The following TIAM2 variants were observed in gnomAD, a reference collection of about 807,000 sequenced individuals.
TIAM2 encodes the protein rho guanine nucleotide exchange factor TIAM2.
TIAM2 carries 80 observed loss-of-function variants against 152.9 expected under a neutral mutation model. The observed-to-expected ratio is 0.52, with a 90% CI of 0.44 to 0.63. The LOEUF (loss-of-function observed/expected upper bound fraction) is 0.63, where lower values mean the gene tolerates loss of function less well. Ranked by LOEUF, TIAM2 falls within the 30% of genes least tolerant of loss-of-function variation. TIAM2 has a pLI of 0.00. For synonymous variants in TIAM2, 804 were observed against 838.0 expected (o/e 0.96, Z 0.70); for missense variants, 1,965 against 2,120.1 (o/e 0.93, Z 1.44).
chr6:155,228,095 T>C (rs754511943), intron 15 of TIAM2, among the ~76,000 whole-genome samples: 9 of 152,114 alleles, frequency 5.9e-5, no homozygotes, highest in Non-Finnish European at 1.2e-4. Flanking sequence ...AGGAAGGGCT[T>C]AGTGAAGGGA....
intron 1 of TIAM2, among the ~76,000 whole-genome samples, chr6:155,056,042 A>G (rs1401102987): frequency 4.6e-5 from 7 of 152,104 alleles, no homozygotes; most frequent in African/African-American, 1.7e-4. Flanking sequence ...ATGTTCTTCC[A>G]GGGTGTTTCT....
At chr6:155,015,344 G>A (rs1436697987) in intron 1 of TIAM2, among the ~76,000 whole-genome samples, 2 of 152,108 alleles carry the variant, frequency 1.3e-5, no homozygotes, top group African/African-American at 2.4e-5. Context: ...GTGTCAGCAG[G>A]CTCTATGGGA....
rs1784103310 is a variant in TIAM2 at position 155,257,119 on chromosome 6, T to C, written c.5104T>C (p.Ter1702GlnextTer19). The change falls in exon 27 of 27, where the codon TAG (stop) becomes CAG (glutamine). Residue 1702 changes from the stop codon to glutamine (Q), a stop_lost. Transcript: ENST00000682666. Reference protein sequence around the residue: ...FYETESHGKS* With the variant: ...FYETESHGKSQ ...TGAAACAGAGAGCCACGGAAAATCA[T>C]AGTATGATTCAATCCAGATATGGGT... is the stretch of plus-strand genomic sequence containing the variant. 3 of 1,610,526 alleles carry C rather than the reference T, an allele frequency of 1.9e-6. No homozygotes were observed. The highest frequency in any genetic ancestry group is 1.7e-6 in the Non-Finnish European group (2 of 1,179,746).
In TIAM2 at chr6:155,244,114, C is replaced by T. The variant is rs374528175; in HGVS notation, c.3417+35C>T. On this transcript the variant is annotated intron_variant, in intron 17 of 26. Coordinates refer to ENST00000682666, the MANE Select transcript of TIAM2 (RefSeq NM_012454.4). ...ATCACCTTCCTTCTGTCCAGTGATC[C>T]ACAGGTTAGTCTCTGTTTGCCTTTT... is the stretch of plus-strand genomic sequence containing the variant. The T allele has an allele frequency of 6.4e-4, 1,006 of 1,584,070 alleles. 10 individuals are homozygous for T. In the South Asian group the frequency reaches 0.01, roughly 16 times the overall value.
intron 15 of TIAM2, among the ~76,000 whole-genome samples, chr6:155,234,539 A>C (rs1285161093): frequency 6.6e-6 from 1 of 152,198 alleles, no homozygotes; most frequent in Non-Finnish European, 1.5e-5. Context: ...AGTAGCTGGG[A>C]CCATAGGCGT....
chr6:155,221,224 G>A (rs17812626), intron 15 of TIAM2, among the ~76,000 whole-genome samples: 1,791 of 151,772 alleles, frequency 0.012, 17 homozygotes, highest in Non-Finnish European at 0.018. Context: ...AGAGAGCAGC[G>A]CTGTGAGAGC....
intron 1 of TIAM2, among the ~76,000 whole-genome samples, chr6:155,053,026 C>T (rs1777354240): frequency 6.6e-6 from 1 of 152,076 alleles, no homozygotes; most frequent in African/African-American, 2.4e-5. Context: ...TTTCTTAAAG[C>T]AACGTGCAGG....
chr6:155,179,119 A>G lies in TIAM2; in HGVS notation c.2604A>G (p.Ala868=). The change falls in exon 11 of 27, where the codon GCA becomes GCG. Residue 868 remains alanine, a synonymous_variant. Coordinates refer to ENST00000682666, the MANE Select transcript of TIAM2 (RefSeq NM_012454.4). ...VDDNVEYCIP[A]PYEYMQQQVY... ...ACAATGTTGAGTATTGCATCCCTGC[A>G]CCATATGAATATATGCAACAACAGG... The G allele has an allele frequency of 6.2e-7, 1 of 1,614,028 alleles. No homozygotes were observed. Among genetic ancestry groups the G allele is most frequent in the South Asian group, 1.1e-5 (1 of 91,014 alleles).
At chr6:155,235,030 C>G (rs9767124) in intron 15 of TIAM2, among the ~76,000 whole-genome samples, 100,017 of 151,786 alleles carry the variant, frequency 0.66, 34,131 homozygotes, top group African/African-American at 0.73. Context: ...AGACAGAGCA[C>G]AGCTAGAGAG....
intron 1 of TIAM2, among the ~76,000 whole-genome samples, chr6:155,044,827 C>CA (rs1562299129): frequency 1.5e-5 from 2 of 134,658 alleles, no homozygotes; most frequent in African/African-American, 6.2e-5. Context: ...GACTCTGTCT[C>CA]GAAAAAAAAA....
chr6:155,122,961 C>G (rs772647706), intron 2 of TIAM2, among the ~76,000 whole-genome samples: 2 of 150,962 alleles, frequency 1.3e-5, no homozygotes, highest in Admixed American at 1.3e-4. Flanking sequence ...TCATAAAATT[C>G]CTTTAGTAAA....
At chr6:155,093,279 A>G (rs116968463) in intron 2 of TIAM2, among the ~76,000 whole-genome samples, 1,613 of 152,304 alleles carry the variant, frequency 0.011, 12 homozygotes, top group Non-Finnish European at 0.014. Flanking sequence ...CATGGTGCCT[A>G]CCTCACAGTG....
At position 155,147,634 on chromosome 6, in the gene TIAM2, C is replaced by T. The variant is rs532298016; in HGVS notation, c.1804-476C>T. Among the ~76,000 whole-genome samples, 24 of 152,208 alleles carry T rather than the reference C, an allele frequency of 1.6e-4. 1 individual carries two copies. The South Asian group carries it at 2.5e-3, about 16-fold the overall frequency. ...CCAAGTAGCTGGGCTTACAGGCATGCGCCACCACGCCCGGCTAATTTTTGT... is the reference window on the plus strand; with the variant it reads ...CCAAGTAGCTGGGCTTACAGGCATGTGCCACCACGCCCGGCTAATTTTTGT... On this transcript the variant is annotated intron_variant, in intron 6 of 26. Transcript: ENST00000682666.
intron 4 of TIAM2, among the ~76,000 whole-genome samples, chr6:155,134,127 A>G (rs1203581470): frequency 1.3e-5 from 2 of 149,094 alleles, no homozygotes; most frequent in African/African-American, 2.5e-5. Flanking sequence ...AGTCACTTGT[A>G]TGGAAATGGA....
chr6:155,006,676 C>A (rs1426253792), intron 1 of TIAM2, among the ~76,000 whole-genome samples: 5 of 149,152 alleles, frequency 3.4e-5, no homozygotes, highest in Non-Finnish European at 5.9e-5. Context: ...CCCCACCTCC[C>A]CCCACCAAAA....
chr6:155,007,374 T>C lies in TIAM2; in HGVS notation c.-209+11882T>C, dbSNP rs1284231348. Among the ~76,000 whole-genome samples, 3 of 148,944 alleles carry C rather than the reference T, an allele frequency of 2.0e-5. No individual in the cohort carries two copies. The East Asian group carries it at 5.9e-4, about 29-fold the overall frequency. ...TGGTTTGACAGGAACCATTTTTCTTTTTCTTTCTTTCTTTCTTTTTTTTTT... is the reference window on the plus strand; with the variant it reads ...TGGTTTGACAGGAACCATTTTTCTTCTTCTTTCTTTCTTTCTTTTTTTTTT... On this transcript the variant is annotated intron_variant, in intron 1 of 26. Transcript: ENST00000682666.
intron 7 of TIAM2, among the ~76,000 whole-genome samples, chr6:155,151,108 A>T (rs1779946793): frequency 6.6e-6 from 1 of 152,204 alleles, no homozygotes; most frequent in Non-Finnish European, 1.5e-5. Flanking sequence ...CAAGGCTGGA[A>T]TGTTGAGGCT....
chr6:155,134,712 T>C (rs1350587588), intron 4 of TIAM2, among the ~76,000 whole-genome samples: 1 of 152,180 alleles, frequency 6.6e-6, no homozygotes, highest in Admixed American at 6.5e-5. Context: ...TTTTTTGTTT[T>C]GTTTTTCTTT....
intron 2 of TIAM2, among the ~76,000 whole-genome samples, chr6:155,097,882 A>G (rs1023994443): frequency 5.9e-5 from 9 of 152,192 alleles, no homozygotes; most frequent in African/African-American, 2.2e-4. Context: ...TATAGTTAAC[A>G]GTTTTCCCAG....
Sources: allele counts gnomAD v4.1 joint callset (sites outside exome capture counted in the v4.1 genomes callset), GRCh38; gene constraint gnomAD v4.1.1; transcripts MANE v1.5; gene names NCBI Gene and HGNC (gene_info 2026-07-23, HGNC 2026-07-21).